HSPB8: variants seen among roughly 807,000 people sequenced by gnomAD.
HSPB8 encodes the protein heat shock protein beta-8.
Under a neutral mutation model 16.5 loss-of-function variants are expected in HSPB8, and 9 were observed. The ratio of observed to expected loss-of-function variants is 0.55; its 90% confidence interval spans 0.33 to 0.95. The LOEUF is 0.95. Among genes scored for constraint, HSPB8 ranks in the 40% least tolerant of loss-of-function variants. The pLI, the probability that HSPB8 is intolerant of heterozygous loss-of-function variation, is 0.03. For missense variants in HSPB8, 238 were observed against 251.2 expected (o/e 0.95, Z 0.35); for synonymous variants, 99 against 94.8 (o/e 1.04, Z -0.26).
intron 1 of HSPB8, 67 bp downstream of exon 1, chr12:119,179,746 C>T: frequency 6.6e-7 from 1 of 1,515,932 alleles, no homozygotes; most frequent in Non-Finnish European, 8.8e-7. Context: ...CTGGGAATAG[C>T]CAGAGAAAGT....
chr12:119,181,958 G>A (rs1954640841), intron 1 of HSPB8: 1 of 152,216 alleles, frequency 6.6e-6, no homozygotes, highest in Non-Finnish European at 1.5e-5. Flanking sequence ...TTCTGTCCTT[G>A]TTTTAATTAG....
At chr12:119,184,893 T>C (rs1313782192) in intron 1 of HSPB8, among the ~76,000 whole-genome samples, 1 of 152,186 alleles carries the variant, frequency 6.6e-6, no homozygotes, top group African/African-American at 2.4e-5. Flanking sequence ...CATTAAAAAT[T>C]ATGTTGTCAA....
chr12:119,186,796 T>G (rs1044562881), intron 1 of HSPB8: 3 of 564,902 alleles, frequency 5.3e-6, no homozygotes, highest in Non-Finnish European at 9.5e-6. Context: ...GGTCTACGCC[T>G]CCTTTCCATC....
rs60924821 is a variant in HSPB8, at chr12:119,194,705, T to TTAATAA, written c.*866_*871dup. On this transcript the variant is annotated 3_prime_UTR_variant, in exon 3 of 3. Transcript: ENST00000281938. ...TTTAGGGGTAAATAACAGTAAATAATTAATAATAATAATAATAATAATAAA... is the reference window on the plus strand; with the variant it reads ...TTTAGGGGTAAATAACAGTAAATAATTAATAATAATAATAATAATAATAATAATAAA... 14,182 of 286,300 alleles carry TTAATAA rather than the reference T, an allele frequency of 0.05. 491 individuals are homozygous for TTAATAA. The highest frequency in any genetic ancestry group is 0.12 in the South Asian group (797 of 6,516). 17.7% of individuals were successfully genotyped at this position (286,300 alleles called of 1,614,324 possible). A position where few individuals can be genotyped will look rare whatever the true frequency, so the allele number is the denominator to read the frequency against.
chr12:119,180,917 C>T (rs551748671), intron 1 of HSPB8, among the ~76,000 whole-genome samples: 37 of 152,180 alleles, frequency 2.4e-4, no homozygotes, highest in Non-Finnish European at 4.0e-4. Context: ...CTGGGAGACA[C>T]GCTGGGGCCA....
intron 2 of HSPB8, among the ~76,000 whole-genome samples, chr12:119,189,842 C>T (rs1388022473): frequency 6.6e-6 from 1 of 152,186 alleles, no homozygotes; most frequent in Non-Finnish European, 1.5e-5. Flanking sequence ...CTGATCTTGT[C>T]CCCAGGACCC....
chr12:119,181,334 G>C (rs948394115), intron 1 of HSPB8, among the ~76,000 whole-genome samples: 1 of 152,188 alleles, frequency 6.6e-6, no homozygotes, highest in Admixed American at 6.5e-5. Context: ...ACATTGGTTC[G>C]ATCTAGAAAT....
chr12:119,187,872 G>A (rs1316689605), intron 2 of HSPB8, among the ~76,000 whole-genome samples: 5 of 152,180 alleles, frequency 3.3e-5, no homozygotes, highest in Non-Finnish European at 7.3e-5. Flanking sequence ...CTTCTCTAGG[G>A]CATCCACAAA....
chr12:119,186,621 C>T (rs745798480), intron 1 of HSPB8, among the ~76,000 whole-genome samples: 6 of 152,190 alleles, frequency 3.9e-5, no homozygotes, highest in Non-Finnish European at 8.8e-5. Context: ...CCGCTTCAAG[C>T]CTGCCATCCA....
At position 119,188,788 on chromosome 12, in the gene HSPB8, T is replaced by G. The variant is rs182766117; in HGVS notation, c.431+1700T>G. 3.2e-3 allele frequency among the ~76,000 whole-genome samples: 484 copies of G among 152,358 alleles called. 7 individuals are homozygous for G. Among genetic ancestry groups the G allele is most frequent in the South Asian group, 7.7e-3 (37 of 4,828 alleles). On this transcript the variant is annotated intron_variant, in intron 2 of 2. Coordinates refer to ENST00000281938, the MANE Select transcript of HSPB8 (RefSeq NM_014365.3). ...CCTCATCTGTGAAAGGGATGCTGAT[T>G]CCAGCCTTGCAGAGTTCCTGGCTGA...
chr12:119,193,973 G>T lies in HSPB8; in HGVS notation c.*115G>T. 1 of 1,164,750 alleles carries T rather than the reference G, an allele frequency of 8.6e-7. No individual in the cohort carries two copies. 72.2% of individuals were successfully genotyped at this position (1,164,750 alleles called of 1,614,324 possible). The stretch of plus-strand genomic sequence containing the variant: ...GTGCAAGTAAAATGTTAGAGGGTGC[G>T]GGGGTGAGGACTGACCACAGATTCC... On this transcript the variant is annotated 3_prime_UTR_variant, in exon 3 of 3. Transcript: ENST00000281938.
chr12:119,180,399 T>C (rs1240191201), intron 1 of HSPB8, among the ~76,000 whole-genome samples: 2 of 152,162 alleles, frequency 1.3e-5, no homozygotes, highest in Non-Finnish European at 2.9e-5. Context: ...GAAGAAGTGA[T>C]GATTTACTGA....
rs777957355 is a variant in HSPB8 at position 119,179,559 on chromosome 12, G to T, written c.247G>T (p.Ala83Ser). Residue 83 changes from alanine (A) to serine (S), a missense_variant, in exon 1 of 3, where the codon GCC (alanine) becomes TCC (serine). Ala to Ser is a moderately conservative substitution (Grantham distance 99). Transcript: ENST00000281938. Reference sequence around the variant, plus strand: ...TGCCACCGCCAGGTTTGGGGTGCCTGCCGAGGGCAGGACCCCCCCACCCTT... The same window carrying T: ...TGCCACCGCCAGGTTTGGGGTGCCTTCCGAGGGCAGGACCCCCCCACCCTT... ...PTATARFGVP[A>S]EGRTPPPFPG... is the part of the protein sequence containing the mutation. 5 of 1,613,406 alleles carry T rather than the reference G, an allele frequency of 3.1e-6. No homozygotes were observed. Among genetic ancestry groups the T allele is most frequent in the South Asian group, 2.2e-5 (2 of 91,028 alleles).
At chr12:119,190,614 A>G (rs11064700) in intron 2 of HSPB8, among the ~76,000 whole-genome samples, 25,614 of 152,142 alleles carry the variant, frequency 0.17, 2,467 homozygotes, top group Middle Eastern at 0.22. Context: ...TTTGCCTTAT[A>G]TGCTTACATT....
chr12:119,190,722 G>T (rs1248037036), intron 2 of HSPB8, among the ~76,000 whole-genome samples: 1 of 152,058 alleles, frequency 6.6e-6, no homozygotes, highest in African/African-American at 2.4e-5. Context: ...TGAGGAAAGC[G>T]ATCATGAAAT....
At chr12:119,187,789 AT>A (rs768484262) in intron 2 of HSPB8, among the ~76,000 whole-genome samples, 21 of 152,154 alleles carry the variant, frequency 1.4e-4, no homozygotes, top group Non-Finnish European at 2.6e-4. Context: ...CCATCCCCTG[AT>A]TCCCCAAATG....
chr12:119,179,342 C>G lies in HSPB8; in HGVS notation c.30C>G (p.Cys10Trp). Residue 10 changes from cysteine to tryptophan, a missense_variant, in exon 1 of 3, where the codon TGC becomes TGG. Coordinates refer to ENST00000281938, the MANE Select transcript of HSPB8 (RefSeq NM_014365.3). MADGQMPFSCHYPSRLRRDP... is the reference protein window; with the variant it reads MADGQMPFSWHYPSRLRRDP... Reference sequence around the variant, plus strand: ...CTGACGGTCAGATGCCCTTCTCCTGCCACTACCCAAGCCGCCTGCGCCGAG... The same window carrying G: ...CTGACGGTCAGATGCCCTTCTCCTGGCACTACCCAAGCCGCCTGCGCCGAG... 1 of 1,614,098 alleles carries G rather than the reference C, an allele frequency of 6.2e-7. No homozygotes were observed.
At chr12:119,185,008 A>G (rs1954665692) in intron 1 of HSPB8, among the ~76,000 whole-genome samples, 1 of 152,246 alleles carries the variant, frequency 6.6e-6, no homozygotes, top group Non-Finnish European at 1.5e-5. Flanking sequence ...GAATACTGAT[A>G]TACATGGATA....
chr12:119,181,930 A>T (rs1954640534), intron 1 of HSPB8: 1 of 152,344 alleles, frequency 6.6e-6, no homozygotes, highest in African/African-American at 2.4e-5. Flanking sequence ...CTGTAAACAG[A>T]CCGATTATCA....
Sources: allele counts gnomAD v4.1 joint callset (sites outside exome capture counted in the v4.1 genomes callset), GRCh38; gene constraint gnomAD v4.1.1; transcripts MANE v1.5; gene names NCBI Gene and HGNC (gene_info 2026-07-23, HGNC 2026-07-21).